Variants in ARID1B observed in about 807,000 individuals in gnomAD.
ARID1B encodes AT-rich interaction domain 1B.
ARID1B carries 30 observed loss-of-function variants against 212.3 expected under a neutral mutation model. The observed-to-expected ratio is 0.14, with a 90% CI of 0.11 to 0.19. The LOEUF is 0.19. Ranked by LOEUF, ARID1B falls within the 10% of genes least tolerant of loss-of-function variation. The pLI, the probability that ARID1B is intolerant of heterozygous loss-of-function variation, is 1.00. For synonymous variants in ARID1B, 1,402 were observed against 1,301.7 expected (o/e 1.08, Z -1.66); for missense variants, 2,891 against 3,204.0 (o/e 0.90, Z 2.36).
At chr6:156,797,415 C>G (rs1780460448) in intron 1 of ARID1B, among the ~76,000 whole-genome samples, 1 of 152,230 alleles carries the variant, frequency 6.6e-6, no homozygotes, top group South Asian at 2.1e-4. Context: ...GCAGCTATTT[C>G]TCCAGTCTTT....
chr6:157,103,575 C>T (rs1405320613), intron 5 of ARID1B, among the ~76,000 whole-genome samples: 2 of 152,164 alleles, frequency 1.3e-5, no homozygotes, highest in African/African-American at 2.4e-5. Context: ...TACCAAAATA[C>T]ACATATTAGC....
intron 4 of ARID1B, among the ~76,000 whole-genome samples, chr6:157,076,813 C>T (rs1427542873): frequency 6.6e-6 from 1 of 152,128 alleles, no homozygotes; most frequent in Admixed American, 6.5e-5. Flanking sequence ...TAGGTTCCTA[C>T]CTGGCAATGA....
intron 2 of ARID1B, among the ~76,000 whole-genome samples, chr6:156,837,674 AATCTG>A (rs1783606229): frequency 6.6e-6 from 1 of 152,196 alleles, no homozygotes. Flanking sequence ...TTAAAAGTTA[AATCTG>A]TAGTTGTGAA....
At chr6:156,949,123 G>A (rs1330154512) in intron 4 of ARID1B, among the ~76,000 whole-genome samples, 1 of 152,158 alleles carries the variant, frequency 6.6e-6, no homozygotes, top group Non-Finnish European at 1.5e-5. Flanking sequence ...TGAACACCTG[G>A]TGTAGAAGAG....
rs1792473418 is a variant in ARID1B at position 157,181,005 on chromosome 6, A to G, written c.3541A>G (p.Thr1181Ala). The change falls in exon 12 of 20, where the codon ACG becomes GCG. Residue 1181 changes from threonine to alanine, a missense_variant. Coordinates refer to ENST00000636930, the MANE Select transcript of ARID1B (RefSeq NM_001374828.1). ...SSSTTTGEKI[T>A]KVYELGNEPE... Reference sequence around the variant, plus strand: ...CTCCACCACTACTGGGGAGAAGATCACGAAGGTGTACGAGCTGGGGAATGA... The same window carrying G: ...CTCCACCACTACTGGGGAGAAGATCGCGAAGGTGTACGAGCTGGGGAATGA... The G allele has an allele frequency of 1.2e-6, 2 of 1,614,018 alleles. No homozygotes were observed. Among genetic ancestry groups the G allele is most frequent in the African/African-American group, 2.7e-5 (2 of 75,028 alleles).
chr6:156,876,503 A>C (rs565527299), intron 2 of ARID1B, among the ~76,000 whole-genome samples: 1 of 152,220 alleles, frequency 6.6e-6, no homozygotes, highest in East Asian at 1.9e-4. Context: ...CCAGCATCCC[A>C]GTTCCGAGTA....
chr6:157,108,330 T>C (rs538893391), intron 5 of ARID1B, among the ~76,000 whole-genome samples: 25 of 152,314 alleles, frequency 1.6e-4, no homozygotes, highest in South Asian at 6.2e-4. Context: ...ACTTGAAATA[T>C]TGTGCATAAG....
intron 4 of ARID1B, chr6:156,938,002 TATG>T (rs1426464370): frequency 4.6e-5 from 7 of 152,176 alleles, no homozygotes; most frequent in Non-Finnish European, 5.9e-5. Context: ...TTATGTTAAG[TATG>T]TAGAAGATTC....
intron 4 of ARID1B, among the ~76,000 whole-genome samples, chr6:156,959,279 A>C (rs138570534): frequency 0.015 from 2,291 of 152,310 alleles, 27 homozygotes; most frequent in Non-Finnish European, 0.027. Context: ...AGTTCCTTAG[A>C]TAAAGTTAGT....
chr6:156,781,421 A>G (rs1308185161), intron 1 of ARID1B, among the ~76,000 whole-genome samples: 1 of 152,060 alleles, frequency 6.6e-6, no homozygotes. Context: ...TTTCATGTTA[A>G]TGCTATGAAA....
At chr6:157,100,110 A>G (rs1456410997) in intron 5 of ARID1B, among the ~76,000 whole-genome samples, 1 of 152,184 alleles carries the variant, frequency 6.6e-6, no homozygotes, top group African/African-American at 2.4e-5. Flanking sequence ...GAGGACACCA[A>G]ATTGCTGTGG....
chr6:157,195,877 A>G (rs1793681580), intron 15 of ARID1B: 2 of 339,188 alleles, frequency 5.9e-6, no homozygotes, highest in Non-Finnish European at 5.5e-6. Flanking sequence ...CCTGACCTAC[A>G]TGGTGAAACC....
intron 3 of ARID1B, among the ~76,000 whole-genome samples, chr6:156,919,787 C>T (rs377116058): frequency 6.6e-6 from 1 of 152,208 alleles, no homozygotes; most frequent in Non-Finnish European, 1.5e-5. Flanking sequence ...GCTCTGATCG[C>T]ACCACTGCAC....
chr6:157,112,440 G>A (rs1210714329), intron 6 of ARID1B, among the ~76,000 whole-genome samples: 1 of 152,108 alleles, frequency 6.6e-6, no homozygotes, highest in Non-Finnish European at 1.5e-5. Flanking sequence ...TCTTGCACTG[G>A]GTGCCTACTC....
chr6:156,826,402 C>T (rs1368942594), intron 1 of ARID1B, among the ~76,000 whole-genome samples: 1 of 152,226 alleles, frequency 6.6e-6, no homozygotes, highest in Non-Finnish European at 1.5e-5. Context: ...GCACTGTGAC[C>T]TGTTTAGTCT....
intron 6 of ARID1B, among the ~76,000 whole-genome samples, chr6:157,113,721 C>T (rs569587074): frequency 6.6e-6 from 1 of 152,286 alleles, no homozygotes; most frequent in South Asian, 2.1e-4. Flanking sequence ...GACACAAAGC[C>T]AAGCTATATC....
chr6:157,037,102 G>T (rs957429794), intron 4 of ARID1B, among the ~76,000 whole-genome samples: 1 of 152,168 alleles, frequency 6.6e-6, no homozygotes, highest in African/African-American at 2.4e-5. Flanking sequence ...AGGAAAACAA[G>T]AGTTTCGTTT....
rs1009993187 is a variant in ARID1B, at chr6:157,189,869, G to A, written c.4058+89G>A. 6.3e-6 allele frequency: 10 copies of A among 1,592,072 alleles called. No homozygotes were observed. In the South Asian group the frequency reaches 6.8e-5, roughly 11 times the overall value. On this transcript the variant is annotated intron_variant, in intron 14 of 19. Coordinates refer to ENST00000636930, the MANE Select transcript of ARID1B (RefSeq NM_001374828.1). Reference sequence around the variant, plus strand: ...GCAAACTTCACAGAGAGAAGAAATGGTATTCCCTAGAGAGTTTTTAAATGT... The same window carrying A: ...GCAAACTTCACAGAGAGAAGAAATGATATTCCCTAGAGAGTTTTTAAATGT...
chr6:157,207,820 A>G lies in ARID1B; in HGVS notation c.7048A>G (p.Ile2350Val), dbSNP rs748269099. ...CGAGGGCCGGTTGCTGGATATCTCG[A>G]TATCAGCTGTCCTGAACTCTCTGGT... ...LHEGRLLDIS[I>V]SAVLNSLVAS... The change falls in exon 20 of 20, where the codon ATA (isoleucine) becomes GTA (valine). Residue 2350 changes from isoleucine to valine, a missense_variant. Ile to Val is a conservative substitution (Grantham distance 29, BLOSUM62 3). Transcript: ENST00000636930. The surrounding 1 kb of genome is among the most constrained non-coding windows in gnomAD (Gnocchi z 8.5). 1.3e-6 allele frequency: 2 copies of G among 1,539,998 alleles called. No homozygotes were observed. Among genetic ancestry groups the G allele is most frequent in the South Asian group, 1.3e-5 (1 of 78,770 alleles).
Sources: allele counts gnomAD v4.1 joint callset (sites outside exome capture counted in the v4.1 genomes callset), GRCh38; gene constraint gnomAD v4.1.1; non-coding constraint Gnocchi (gnomAD v3.1); transcripts MANE v1.5; gene names NCBI Gene and HGNC (gene_info 2026-07-23, HGNC 2026-07-21).